Variants in DNAH8 observed in about 807,000 individuals in gnomAD.
DNAH8 encodes the protein axonemal beta dynein heavy chain 8.
DNAH8 carries 382 observed loss-of-function variants against 562.1 expected under a neutral mutation model. The ratio of observed to expected loss-of-function variants is 0.68; its 90% confidence interval spans 0.63 to 0.74. DNAH8 has a LOEUF of 0.74. Among genes scored for constraint, DNAH8 ranks in the 30% least tolerant of loss-of-function variants. The pLI, the probability that DNAH8 is intolerant of heterozygous loss-of-function variation, is 0.00. For missense variants in DNAH8, 5,203 were observed against 5,620.4 expected, an observed-to-expected ratio of 0.93 and a Z score of 2.37; for synonymous variants, 1,881 against 1,919.4, an observed-to-expected ratio of 0.98 and a Z score of 0.52.
chr6:38,887,419 C>G (rs906170365), intron 57 of DNAH8, among the ~76,000 whole-genome samples: 2 of 152,184 alleles, frequency 1.3e-5, no homozygotes, highest in Admixed American at 1.3e-4. Flanking sequence ...ATTATGCCAT[C>G]AAAACTTATG....
chr6:38,852,563 T>C, intron 39 of DNAH8, 131 bp from the exon 40 acceptor site: 2 of 622,024 alleles, frequency 3.2e-6, no homozygotes, highest in Non-Finnish European at 5.5e-6. Context: ...AAGCAGAGTC[T>C]CTCTCTATTT....
At chr6:38,757,661 C>T (rs1187243978) in intron 10 of DNAH8, among the ~76,000 whole-genome samples, 1 of 152,144 alleles carries the variant, frequency 6.6e-6, no homozygotes, top group Non-Finnish European at 1.5e-5. Flanking sequence ...TTAGGTCTAA[C>T]ATTTAAGTCT....
intron 80 of DNAH8, among the ~76,000 whole-genome samples, chr6:38,946,675 TG>T (rs897190745): frequency 1.3e-5 from 2 of 152,144 alleles, no homozygotes; most frequent in Non-Finnish European, 2.9e-5. Context: ...CTGGGTGTGG[TG>T]GCGGGTGCCT....
intron 91 of DNAH8, among the ~76,000 whole-genome samples, chr6:39,014,374 G>A (rs1481419251): frequency 6.6e-6 from 1 of 152,140 alleles, no homozygotes; most frequent in African/African-American, 2.4e-5. Flanking sequence ...TCGTCACCAG[G>A]TAATTTCTGG....
At chr6:38,899,133 G>A (rs1285507142) in intron 61 of DNAH8, among the ~76,000 whole-genome samples, 1 of 152,050 alleles carries the variant, frequency 6.6e-6, no homozygotes, top group African/African-American at 2.4e-5. Flanking sequence ...TAATATAAAA[G>A]ACAGCTTTTT....
intron 31 of DNAH8, among the ~76,000 whole-genome samples, chr6:38,833,026 A>G (rs1186224204): frequency 1.3e-5 from 2 of 152,074 alleles, no homozygotes; most frequent in African/African-American, 2.4e-5. Context: ...CATTCTCACT[A>G]ACTCTTAGAG....
At chr6:38,932,977 G>C (rs1453324035) in intron 76 of DNAH8, 1 of 152,296 alleles carries the variant, frequency 6.6e-6, no homozygotes, top group African/African-American at 2.4e-5. Flanking sequence ...TTAGTTGTTT[G>C]ATCTTGGTTT....
chr6:38,938,722 GT>G, intron 78 of DNAH8, 75 bp from the exon 79 acceptor site: 1 of 999,150 alleles, frequency 1.0e-6, no homozygotes, highest in Non-Finnish European at 1.5e-6. Context: ...AAACCTTCAT[GT>G]GTACCCCTGA....
Position 38,866,539 on chromosome 6 carries a change from A to G in DNAH8, c.6499-52A>G, listed in dbSNP as rs560237932. ...AGGGGTTTGAAATATATTTGTATTC[A>G]GAAATGAAAATTGTTTTAGCAATTA... On this transcript the variant is annotated intron_variant, in intron 45 of 92. Coordinates refer to ENST00000327475, the MANE Select transcript of DNAH8 (RefSeq NM_001206927.2). 12 of 1,268,538 alleles carry G rather than the reference A, an allele frequency of 9.5e-6. No individual in the cohort carries two copies. In the South Asian group the frequency reaches 1.6e-4, roughly 17 times the overall value. 78.6% of individuals were successfully genotyped at this position (1,268,538 alleles called of 1,614,324 possible).
intron 87 of DNAH8, among the ~76,000 whole-genome samples, chr6:38,985,986 C>A (rs1452812658): frequency 6.6e-6 from 1 of 152,188 alleles, no homozygotes; most frequent in Admixed American, 6.5e-5. Flanking sequence ...CCTAAGACTC[C>A]TAAGAGAATA....
At chr6:39,007,294 G>A (rs1765857577) in intron 88 of DNAH8, among the ~76,000 whole-genome samples, 1 of 152,114 alleles carries the variant, frequency 6.6e-6, no homozygotes, top group African/African-American at 2.4e-5. Context: ...ATATTTAGAT[G>A]TATATATTTC....
At chr6:38,773,791 G>A (rs774829375) in intron 12 of DNAH8, among the ~76,000 whole-genome samples, 7 of 152,162 alleles carry the variant, frequency 4.6e-5, no homozygotes, top group Non-Finnish European at 8.8e-5. Context: ...AGTGGGGTAC[G>A]GAAGGGGCAA....
Position 38,883,923 on chromosome 6 carries a change from G to T in DNAH8, c.8184G>T (p.Gly2728=), listed in dbSNP as rs776114503. 1 of 1,592,562 alleles carries T rather than the reference G, an allele frequency of 6.3e-7. No homozygotes were observed. The highest frequency in any genetic ancestry group is 2.3e-5 in the East Asian group (1 of 43,760). ...YVDKRIGSTY[G]PPGGRKMTVF... ...ATAAGCGAATTGGAAGCACATATGG[G>T]CCACCAGGAGGGAGAAAAATGACTG... Residue 2728 remains glycine (G), a synonymous_variant, in exon 56 of 93, where the codon GGG becomes GGT. Transcript: ENST00000327475.
chr6:38,996,426 C>T lies in DNAH8; in HGVS notation c.13214+6254C>T, dbSNP rs9380819. 2.7e-3 allele frequency among the ~76,000 whole-genome samples: 415 copies of T among 152,286 alleles called. 2 individuals carry two copies. The highest frequency in any genetic ancestry group is 4.5e-3 in the Non-Finnish European group (307 of 68,024). ...CATTTATACAATTTCTATGTGACAT[C>T]CACTGGCATGTCTTTCAGACAGCTT... On this transcript the variant is annotated intron_variant, in intron 88 of 92. Transcript: ENST00000327475.
chr6:38,729,993 A>G lies in DNAH8; in HGVS notation c.610+7A>G. On this transcript the variant is annotated splice_region_variant and intron_variant, in intron 4 of 92. Transcript: ENST00000327475. Reference sequence around the variant, plus strand: ...GGAGATGTACCTGGTATTGGTAAGAATTTTCTGAGGGCAGTGTGCCAGTAA... The same window carrying G: ...GGAGATGTACCTGGTATTGGTAAGAGTTTTCTGAGGGCAGTGTGCCAGTAA... The G allele has an allele frequency of 6.9e-7, 1 of 1,445,518 alleles. No individual in the cohort carries two copies. The highest frequency in any genetic ancestry group is 2.3e-5 in the East Asian group (1 of 43,978). 89.5% of individuals were successfully genotyped at this position (1,445,518 alleles called of 1,614,324 possible). A position where few individuals can be genotyped will look rare whatever the true frequency, so the allele number is the denominator to read the frequency against.
In DNAH8 at chr6:38,974,478, C is replaced by T. The variant is rs1763545222; in HGVS notation, c.12783C>T (p.Pro4261=). ...ACCTTCTGGACATCAGTAATTTACC[C>T]ATGTGGAAGCCGATGCTTTACACAG... ...NQDLLDISNL[P]MWKPMLYTVA... is the part of the protein sequence containing the mutation. Residue 4261 remains proline (P), a synonymous_variant, in exon 85 of 93, where the codon CCC becomes CCT. Coordinates refer to ENST00000327475, the MANE Select transcript of DNAH8 (RefSeq NM_001206927.2). 2.5e-6 allele frequency: 4 copies of T among 1,613,312 alleles called. No individual in the cohort carries two copies. Among genetic ancestry groups the T allele is most frequent in the Non-Finnish European group, 2.5e-6 (3 of 1,179,378 alleles).
chr6:38,893,954 C>T (rs1486938884), intron 58 of DNAH8, among the ~76,000 whole-genome samples: 3 of 152,246 alleles, frequency 2.0e-5, no homozygotes, highest in South Asian at 2.1e-4. Context: ...TATCTCTTAA[C>T]GGGTATCTCT....
chr6:38,910,147 G>A (rs1233735567), intron 65 of DNAH8, among the ~76,000 whole-genome samples: 1 of 152,180 alleles, frequency 6.6e-6, no homozygotes, highest in African/African-American at 2.4e-5. Flanking sequence ...TATGTTAAAG[G>A]AGTATTTAGA....
chr6:38,771,995 G>A (rs1014922631), intron 12 of DNAH8, among the ~76,000 whole-genome samples: 1 of 150,194 alleles, frequency 6.7e-6, no homozygotes, highest in Admixed American at 6.6e-5. Context: ...GCATCATTTT[G>A]CATTCTAACA....
Sources: allele counts gnomAD v4.1 joint callset (sites outside exome capture counted in the v4.1 genomes callset), GRCh38; gene constraint gnomAD v4.1.1; transcripts MANE v1.5; gene names NCBI Gene and HGNC (gene_info 2026-07-23, HGNC 2026-07-21).